Variants in PTPRO observed in about 807,000 individuals in gnomAD.
PTPRO encodes the protein protein tyrosine phosphatase receptor type O.
In PTPRO, 62 loss-of-function variants were observed where a neutral mutation model predicts 145.2. The observed-to-expected ratio is 0.43, with a 90% confidence interval of 0.35 to 0.53. The LOEUF is 0.53. PTPRO is among the 20% of genes least tolerant of loss of function. The pLI is 0.01. For missense variants in PTPRO, 1,345 were observed against 1,482.7 expected (o/e 0.91, Z 1.53); for synonymous variants, 565 against 514.7 (o/e 1.10, Z -1.32).
chr12:15,360,773 CGT>C (rs1437798192), intron 1 of PTPRO, among the ~76,000 whole-genome samples: 1 of 141,596 alleles, frequency 7.1e-6, no homozygotes, highest in Non-Finnish European at 1.5e-5. Context: ...TGTATATATA[CGT>C]GTGTATATAT....
chr12:15,421,633 G>T (rs1940149378), intron 1 of PTPRO, among the ~76,000 whole-genome samples: 1 of 152,156 alleles, frequency 6.6e-6, no homozygotes. Context: ...AAAAATAAAA[G>T]AGTGTATTAT....
chr12:15,540,633 A>C (rs996141878), intron 12 of PTPRO, among the ~76,000 whole-genome samples: 16 of 152,236 alleles, frequency 1.1e-4, no homozygotes, highest in Admixed American at 6.5e-5. Context: ...TAAACACATT[A>C]CATTCTGCTC....
Position 15,515,513 on chromosome 12 carries a change from C to T in PTPRO, c.1480C>T (p.Pro494Ser). The T allele has an allele frequency of 6.2e-7, 1 of 1,613,872 alleles. No individual in the cohort carries two copies. The highest frequency in any genetic ancestry group is 2.2e-5 in the East Asian group (1 of 44,842). ...QYCTQVNSSK[P>S]IIENLVPGAQ... ...TGGTTTAAAGGTGAACTCAAGCAAA[C>T]CTATTATTGAAAATCTGGTTCCTGG... The change falls in exon 8 of 27, where the codon CCT becomes TCT. Residue 494 changes from proline to serine, a missense_variant. Coordinates refer to ENST00000281171, the MANE Select transcript of PTPRO (RefSeq NM_030667.3).
intron 1 of PTPRO, among the ~76,000 whole-genome samples, chr12:15,332,301 A>C (rs1866636583): frequency 6.6e-6 from 1 of 152,144 alleles, no homozygotes; most frequent in Non-Finnish European, 1.5e-5. Flanking sequence ...TGTAACCTTA[A>C]GGATAAAGAA....
chr12:15,541,105 T>G (rs1279211148), intron 12 of PTPRO, among the ~76,000 whole-genome samples: 1 of 152,176 alleles, frequency 6.6e-6, no homozygotes, highest in African/African-American at 2.4e-5. Flanking sequence ...CCAAATATCA[T>G]GGACTGTGAA....
rs200592846 is a variant in PTPRO, at chr12:15,554,313, GA to G, written c.2558+2645del. Among the ~76,000 whole-genome samples, 209 of 152,108 alleles carry G rather than the reference GA, an allele frequency of 1.4e-3. 2 individuals carry two copies. In the East Asian group the frequency reaches 0.038, roughly 28 times the overall value. On this transcript the variant is annotated intron_variant, in intron 15 of 26. Transcript: ENST00000281171. ...GGGGAACATCAAGACTTCAGTTTTG[GA>G]AATTGTATTAGTCAGAGTTCTCTAG... is the stretch of plus-strand genomic sequence containing the variant.
intron 24 of PTPRO, among the ~76,000 whole-genome samples, chr12:15,588,539 C>G (rs556940322): frequency 6.6e-6 from 1 of 152,202 alleles, no homozygotes; most frequent in South Asian, 2.1e-4. Context: ...GAGACTGGGT[C>G]CAAATTTTTC....
intron 23 of PTPRO, among the ~76,000 whole-genome samples, chr12:15,583,014 G>A (rs1944353696): frequency 6.6e-6 from 1 of 152,128 alleles, no homozygotes; most frequent in South Asian, 2.1e-4. Context: ...TGAACATGCT[G>A]TCTATGAAGA....
At chr12:15,423,655 C>T (rs746645413) in intron 1 of PTPRO, among the ~76,000 whole-genome samples, 3 of 152,132 alleles carry the variant, frequency 2.0e-5, no homozygotes, top group Admixed American at 6.5e-5. Flanking sequence ...ATTTGGAGAA[C>T]CTAGAAATTT....
intron 1 of PTPRO, among the ~76,000 whole-genome samples, chr12:15,446,480 T>C (rs1407038300): frequency 6.6e-6 from 1 of 151,974 alleles, no homozygotes; most frequent in Non-Finnish European, 1.5e-5. Context: ...TACCTGGAAA[T>C]ATAAGTAGGA....
intron 1 of PTPRO, among the ~76,000 whole-genome samples, chr12:15,454,872 A>T (rs2136385411): frequency 6.6e-6 from 1 of 152,180 alleles, no homozygotes; most frequent in Non-Finnish European, 1.5e-5. Flanking sequence ...TGGCATCCAC[A>T]TCTAGGATCA....
chr12:15,466,215 C>G (rs958212773), intron 1 of PTPRO, among the ~76,000 whole-genome samples: 2 of 151,830 alleles, frequency 1.3e-5, no homozygotes, highest in Non-Finnish European at 2.9e-5. Context: ...TCCTGTTCCA[C>G]TATAATCCTG....
chr12:15,342,779 A>C (rs1867046387), intron 1 of PTPRO, among the ~76,000 whole-genome samples: 1 of 151,996 alleles, frequency 6.6e-6, no homozygotes, highest in Admixed American at 6.6e-5. Flanking sequence ...TGCCTTGAAA[A>C]CTAAGCCTTT....
chr12:15,520,327 G>A lies in PTPRO; in HGVS notation c.1891+15G>A. On this transcript the variant is annotated intron_variant, in intron 10 of 26. Coordinates refer to ENST00000281171, the MANE Select transcript of PTPRO (RefSeq NM_030667.3). Reference sequence around the variant, plus strand: ...CTTCATAACAGGTGAGGCATGTGTGGGGAACAGTTCCACAAGGAGAGAGCA... The same window carrying A: ...CTTCATAACAGGTGAGGCATGTGTGAGGAACAGTTCCACAAGGAGAGAGCA... 6.4e-7 allele frequency: 1 copy of A among 1,569,734 alleles called. No individual in the cohort carries two copies. The highest frequency in any genetic ancestry group is 1.7e-4 in the Middle Eastern group (1 of 5,772).
In PTPRO at chr12:15,501,701, C is replaced by T. The variant is rs1219759933; in HGVS notation, c.743C>T (p.Pro248Leu). ...NNWEEQSGNFPEESFMRSQDT... is the reference protein window; with the variant it reads ...NNWEEQSGNFLEESFMRSQDT... ...TGGGAAGAACAGAGTGGCAATTTCC[C>T]AGAAGAATCCTTCATGAGATCACAA... Residue 248 changes from proline (P) to leucine (L), a missense_variant, in exon 5 of 27, where the codon CCA becomes CTA. Physicochemically the swap from Pro to Leu is moderately conservative, Grantham distance 98 (BLOSUM62 -3). Coordinates refer to ENST00000281171, the MANE Select transcript of PTPRO (RefSeq NM_030667.3). 4 of 1,613,772 alleles carry T rather than the reference C, an allele frequency of 2.5e-6. No individual in the cohort carries two copies. The highest frequency in any genetic ancestry group is 2.7e-5 in the African/African-American group (2 of 74,874).
intron 1 of PTPRO, among the ~76,000 whole-genome samples, chr12:15,443,698 C>A (rs917198533): frequency 1.3e-5 from 2 of 152,032 alleles, no homozygotes; most frequent in South Asian, 4.1e-4. Context: ...CATGAACAGA[C>A]ACGCCTCAAA....
chr12:15,529,194 C>A (rs932334236), intron 12 of PTPRO, among the ~76,000 whole-genome samples: 3 of 152,098 alleles, frequency 2.0e-5, no homozygotes, highest in Non-Finnish European at 4.4e-5. Context: ...ATAATAATAG[C>A]TACAGCAACC....
intron 1 of PTPRO, among the ~76,000 whole-genome samples, chr12:15,477,878 A>G (rs1487796406): frequency 6.6e-6 from 1 of 152,092 alleles, no homozygotes; most frequent in East Asian, 1.9e-4. Flanking sequence ...GTGCATGGGT[A>G]TCTCTTGCAC....
intron 1 of PTPRO, among the ~76,000 whole-genome samples, chr12:15,480,808 G>A (rs909504142): frequency 6.6e-6 from 1 of 152,136 alleles, no homozygotes; most frequent in Non-Finnish European, 1.5e-5. Context: ...CACAGACAGA[G>A]AGACAGACAG....
Sources: allele counts gnomAD v4.1 joint callset (sites outside exome capture counted in the v4.1 genomes callset), GRCh38; gene constraint gnomAD v4.1.1; transcripts MANE v1.5; gene names NCBI Gene and HGNC (gene_info 2026-07-23, HGNC 2026-07-21).